ARL3: variants seen among roughly 807,000 people sequenced by gnomAD.
ARL3 encodes ARF like GTPase 3.
ARL3 carries 9 observed loss-of-function variants against 26.0 expected under a neutral mutation model. The observed-to-expected ratio is 0.35, with a 90% confidence interval of 0.21 to 0.60. ARL3 has a LOEUF of 0.60. Ranked by LOEUF, ARL3 falls within the 20% of genes least tolerant of loss-of-function variation. ARL3 has a pLI of 0.78. For missense variants in ARL3, 158 were observed against 215.7 expected (o/e 0.73, Z 1.67); for synonymous variants, 71 against 78.4 (o/e 0.91, Z 0.50).
At chr10:102,706,672 A>G (rs1260980773) in intron 1 of ARL3, among the ~76,000 whole-genome samples, 1 of 151,902 alleles carries the variant, frequency 6.6e-6, no homozygotes, top group African/African-American at 2.4e-5. Flanking sequence ...AAATTAACCA[A>G]GGAATTTTTT....
chr10:102,711,629 C>A (rs1287472276), intron 1 of ARL3, among the ~76,000 whole-genome samples: 1 of 151,946 alleles, frequency 6.6e-6, no homozygotes, highest in Non-Finnish European at 1.5e-5. Context: ...TGGTGGCGGG[C>A]GCCCATAGTC....
At chr10:102,688,610 C>G (rs2064200109) in intron 4 of ARL3, among the ~76,000 whole-genome samples, 1 of 150,280 alleles carries the variant, frequency 6.7e-6, no homozygotes, top group Non-Finnish European at 1.5e-5. Flanking sequence ...AGTGATTCTC[C>G]TGCCTCAGCC....
intron 2 of ARL3, among the ~76,000 whole-genome samples, chr10:102,703,914 C>T (rs1274011802): frequency 6.6e-6 from 1 of 151,648 alleles, no homozygotes; most frequent in Non-Finnish European, 1.5e-5. Context: ...CTTTGGGAGG[C>T]CGAGGCAGGT....
chr10:102,711,870 A>T (rs2064343302), intron 1 of ARL3, among the ~76,000 whole-genome samples: 1 of 152,216 alleles, frequency 6.6e-6, no homozygotes, highest in Non-Finnish European at 1.5e-5. Flanking sequence ...CAGCCACTGA[A>T]AAGACTACCC....
intron 1 of ARL3, among the ~76,000 whole-genome samples, chr10:102,712,912 A>G (rs1227183930): frequency 1.3e-5 from 2 of 152,214 alleles, no homozygotes; most frequent in Non-Finnish European, 1.5e-5. Context: ...AAAAACTGCA[A>G]GTGTAGCAAG....
intron 5 of ARL3, among the ~76,000 whole-genome samples, chr10:102,685,517 A>C (rs1657182015): frequency 6.6e-6 from 1 of 152,168 alleles, no homozygotes; most frequent in Non-Finnish European, 1.5e-5. Flanking sequence ...GACACAACAC[A>C]AAACCCCAAT....
Position 102,705,395 on chromosome 10 carries a change from A to G in ARL3, c.98T>C (p.Leu33Pro), listed in dbSNP as rs1450995489. Residue 33 changes from leucine (L) to proline (P), a missense_variant, in exon 2 of 6, where the codon CTT becomes CCT. Coordinates refer to ENST00000260746, the MANE Select transcript of ARL3 (RefSeq NM_004311.4). Reference sequence around the variant, plus strand: ...GTCTTCAGATGCAAGCTGCTTCAGAAGAGTGGTCTTGCCAGCATTATCCAA... The same window carrying G: ...GTCTTCAGATGCAAGCTGCTTCAGAGGAGTGGTCTTGCCAGCATTATCCAA... The part of the protein sequence containing the change: ...LGLDNAGKTT[L>P]LKQLASEDIS... 17 of 1,611,928 alleles carry G rather than the reference A, an allele frequency of 1.1e-5. No homozygotes were observed. Among genetic ancestry groups the G allele is most frequent in the African/African-American group, 4.0e-5 (3 of 74,896 alleles).
At chr10:102,700,894 T>C (rs1166814932) in intron 2 of ARL3, among the ~76,000 whole-genome samples, 1 of 147,768 alleles carries the variant, frequency 6.8e-6, no homozygotes, top group African/African-American at 2.5e-5. Flanking sequence ...TGCGCCACCA[T>C]GCCTGGCTAA....
At chr10:102,678,678 G>T (rs565396722) in intron 5 of ARL3, among the ~76,000 whole-genome samples, 1 of 152,310 alleles carries the variant, frequency 6.6e-6, no homozygotes, top group East Asian at 1.9e-4. Flanking sequence ...CCTTTTCCTT[G>T]CTTTATGGCT....
intron 1 of ARL3, among the ~76,000 whole-genome samples, chr10:102,707,335 G>GA (rs1476702057): frequency 1.3e-5 from 2 of 151,872 alleles, no homozygotes; most frequent in Non-Finnish European, 2.9e-5. Context: ...AGAAAACAAA[G>GA]AAAAAATAAA....
intron 4 of ARL3, among the ~76,000 whole-genome samples, chr10:102,686,937 G>A (rs1440254115): frequency 3.8e-5 from 5 of 130,166 alleles, no homozygotes; most frequent in East Asian, 2.3e-4. Context: ...GTGCAGTGGC[G>A]CGATCTCGGC....
Position 102,705,379 on chromosome 10 carries a change from T to A in ARL3, c.114A>T (p.Ala38=). The part of the protein sequence containing the change: ...AGKTTLLKQL[A]SEDISHITPT... ...GTGTGATGTGGCTGATGTCTTCAGA[T>A]GCAAGCTGCTTCAGAAGAGTGGTCT... is the stretch of plus-strand genomic sequence containing the variant. Residue 38 remains alanine (A), a synonymous_variant, in exon 2 of 6, where the codon GCA becomes GCT. Transcript: ENST00000260746. 1 of 1,611,108 alleles carries A rather than the reference T, an allele frequency of 6.2e-7. No individual in the cohort carries two copies. Among genetic ancestry groups the A allele is most frequent in the Non-Finnish European group, 8.5e-7 (1 of 1,178,300 alleles).
intron 5 of ARL3, among the ~76,000 whole-genome samples, chr10:102,680,451 CTTTG>C (rs1385101613): frequency 4.6e-5 from 7 of 152,242 alleles, no homozygotes; most frequent in Non-Finnish European, 1.0e-4. Context: ...AAATACTGAG[CTTTG>C]TTTGGCCTCC....
chr10:102,708,908 A>ATATATATATATATATATATATATTTTTT, intron 1 of ARL3, among the ~76,000 whole-genome samples: 1 of 95,348 alleles, frequency 1.0e-5, no homozygotes, highest in African/African-American at 4.2e-5. Context: ...ATATATATAT[A>ATATATATATATATATATATATATTTTTT]TTTTTTTTTT....
intron 3 of ARL3, among the ~76,000 whole-genome samples, chr10:102,692,932 G>A (rs969249348): frequency 2.0e-5 from 3 of 152,252 alleles, no homozygotes; most frequent in South Asian, 4.1e-4. Context: ...TCCTGACCTC[G>A]TGATCTGCCC....
chr10:102,697,364 A>C (rs568940486), intron 3 of ARL3, among the ~76,000 whole-genome samples: 14 of 152,238 alleles, frequency 9.2e-5, no homozygotes, highest in Middle Eastern at 3.4e-3. Flanking sequence ...TTTTTAGTAG[A>C]GATGCAGTTT....
chr10:102,693,879 T>A (rs926305130), intron 3 of ARL3, among the ~76,000 whole-genome samples: 1 of 152,080 alleles, frequency 6.6e-6, no homozygotes, highest in Non-Finnish European at 1.5e-5. Flanking sequence ...CACAGTATAT[T>A]GTGCAAGCTG....
intron 3 of ARL3, among the ~76,000 whole-genome samples, chr10:102,695,088 C>G (rs551496326): frequency 6.6e-6 from 1 of 152,324 alleles, no homozygotes; most frequent in African/African-American, 2.4e-5. Flanking sequence ...TAACTTGTTC[C>G]TTTTCAGTAC....
chr10:102,686,785 T>C (rs1339272741), intron 4 of ARL3, among the ~76,000 whole-genome samples: 2 of 150,606 alleles, frequency 1.3e-5, no homozygotes, highest in Non-Finnish European at 3.0e-5. Flanking sequence ...CTTGAACCTG[T>C]ATAAGATTCC....
Sources: allele counts gnomAD v4.1 joint callset (sites outside exome capture counted in the v4.1 genomes callset), GRCh38; gene constraint gnomAD v4.1.1; transcripts MANE v1.5; gene names NCBI Gene and HGNC (gene_info 2026-07-23, HGNC 2026-07-21).